TRAT1: variants seen among roughly 807,000 people sequenced by gnomAD.
TRAT1 encodes T cell receptor associated transmembrane adaptor 1.
A neutral mutation model predicts 20.0 loss-of-function variants in TRAT1; 20 were observed. The observed-to-expected ratio is 1.00, with a 90% CI of 0.70 to 1.45. The LOEUF (loss-of-function observed/expected upper bound fraction) is 1.45, where lower values mean the gene tolerates loss of function less well. Ranked by LOEUF, TRAT1 falls within the 40% of genes most tolerant of loss-of-function variation. TRAT1 has a pLI of 0.00. For synonymous variants in TRAT1, 77 were observed against 74.2 expected (o/e 1.04, Z -0.20); for missense variants, 237 against 224.1 (o/e 1.06, Z -0.37).
Position 108,853,917 on chromosome 3 carries a change from AG to A in TRAT1, c.*41del, listed in dbSNP as rs756473132. ...AGTTCAATGATTTGGCTCCTATTGAAGATGGCTTCTAAGAAAACAAGATGCA... is the reference window on the plus strand; with the variant it reads ...AGTTCAATGATTTGGCTCCTATTGAAATGGCTTCTAAGAAAACAAGATGCA... On this transcript the variant is annotated 3_prime_UTR_variant, in exon 6 of 6. Coordinates refer to ENST00000295756, the MANE Select transcript of TRAT1 (RefSeq NM_016388.4). The A allele has an allele frequency of 6.3e-7, 1 of 1,598,160 alleles. No homozygotes were observed. The highest frequency in any genetic ancestry group is 1.7e-5 in the Admixed American group (1 of 59,142).
chr3:108,833,656 A>G (rs1176496150), intron 2 of TRAT1, among the ~76,000 whole-genome samples: 2 of 152,196 alleles, frequency 1.3e-5, no homozygotes, highest in African/African-American at 4.8e-5. Context: ...ATACCTTTGA[A>G]GTAGACCTGA....
At chr3:108,851,573 T>C (rs1312976476) in intron 5 of TRAT1, among the ~76,000 whole-genome samples, 1 of 152,038 alleles carries the variant, frequency 6.6e-6, no homozygotes, top group African/African-American at 2.4e-5. Context: ...AAGTTTCCAT[T>C]TTTTTAATGA....
At chr3:108,836,040 C>T (rs1289885831) in intron 2 of TRAT1, among the ~76,000 whole-genome samples, 3 of 152,194 alleles carry the variant, frequency 2.0e-5, no homozygotes, top group Non-Finnish European at 1.5e-5. Flanking sequence ...CTGCCTCAGC[C>T]TCCCGAGTAG....
chr3:108,831,538 CTTTTTTT>C (rs779234270), intron 2 of TRAT1, among the ~76,000 whole-genome samples: 1 of 132,166 alleles, frequency 7.6e-6, no homozygotes, highest in Non-Finnish European at 1.6e-5. Context: ...TGGAAGGTAT[CTTTTTTT>C]TTTTTTTTTT....
At chr3:108,848,363 T>C (rs550943830) in intron 4 of TRAT1, among the ~76,000 whole-genome samples, 51 of 152,246 alleles carry the variant, frequency 3.3e-4, no homozygotes, top group Admixed American at 2.0e-3. Flanking sequence ...AAGTCGCTTT[T>C]CTTATAGTAA....
intron 5 of TRAT1, among the ~76,000 whole-genome samples, chr3:108,852,835 T>C (rs565725619): frequency 1.3e-5 from 2 of 152,356 alleles, no homozygotes; most frequent in African/African-American, 4.8e-5. Flanking sequence ...CCATGATCAC[T>C]GTATGGCAGA....
intron 2 of TRAT1, among the ~76,000 whole-genome samples, chr3:108,837,581 A>G (rs1039042347): frequency 6.6e-6 from 1 of 152,214 alleles, no homozygotes; most frequent in African/African-American, 2.4e-5. Flanking sequence ...TTACTAATAT[A>G]GAGTGTTTTC....
intron 3 of TRAT1, 155 bp downstream of exon 3, chr3:108,839,122 G>A: frequency 1.6e-6 from 1 of 621,550 alleles, no homozygotes; most frequent in Non-Finnish European, 2.9e-6. Context: ...CTAAAGATCA[G>A]AAGCTATAAC....
intron 1 of TRAT1, among the ~76,000 whole-genome samples, chr3:108,828,579 G>T (rs1261569104): frequency 6.6e-6 from 1 of 152,114 alleles, no homozygotes; most frequent in Non-Finnish European, 1.5e-5. Context: ...TTATATTTGA[G>T]ACACCATGTG....
chr3:108,854,128 G>A lies in TRAT1; in HGVS notation c.*251G>A, dbSNP rs950481181. On this transcript the variant is annotated 3_prime_UTR_variant, in exon 6 of 6. Transcript: ENST00000295756. The stretch of plus-strand genomic sequence containing the variant: ...TGTAAAAAATTAATGTGCTCACCTC[G>A]GCAGCACATATACTAAAAATTAATA... 1.4e-4 allele frequency: 53 copies of A among 367,836 alleles called. 1 individual carries two copies. The highest frequency in any genetic ancestry group is 1.4e-3 in the Admixed American group (34 of 24,446). The allele number at this position is 367,836 out of a possible 1,614,324, so 22.8% of individuals were successfully genotyped here. A position where few individuals can be genotyped will look rare whatever the true frequency, so the allele number is the denominator to read the frequency against.
At chr3:108,832,182 T>C (rs13080704) in intron 2 of TRAT1, among the ~76,000 whole-genome samples, 34,729 of 152,082 alleles carry the variant, frequency 0.23, 4,766 homozygotes, top group East Asian at 0.61. Context: ...ATCTATTCAA[T>C]AGCAAAATCA....
Position 108,853,643 on chromosome 3 carries a change from C to T in TRAT1, c.327C>T (p.Cys109=). The part of the protein sequence containing the change: ...SAQATNETQM[C]YASLDHSVKG... ...AGGCAACCAATGAAACACAGATGTG[C>T]TACGCCTCACTTGATCACAGCGTTA... Residue 109 remains cysteine, a synonymous_variant, in exon 6 of 6, where the codon TGC becomes TGT. Coordinates refer to ENST00000295756, the MANE Select transcript of TRAT1 (RefSeq NM_016388.4). 6.2e-7 allele frequency: 1 copy of T among 1,614,000 alleles called. No homozygotes were observed. The highest frequency in any genetic ancestry group is 8.5e-7 in the Non-Finnish European group (1 of 1,179,916).
In TRAT1 at chr3:108,853,615, T is replaced by C. The variant is rs374084159; in HGVS notation, c.304-5T>C. ...CAATGAAAAATTAACATCCCTTTCT[T>C]TTAGGCAACCAATGAAACACAGATG... is the stretch of plus-strand genomic sequence containing the variant. On this transcript the variant is annotated splice_polypyrimidine_tract_variant and splice_region_variant and intron_variant, in intron 5 of 5. Transcript: ENST00000295756. 1.6e-5 allele frequency: 25 copies of C among 1,610,406 alleles called. No homozygotes were observed. The highest frequency in any genetic ancestry group is 2.0e-5 in the Non-Finnish European group (24 of 1,177,730).
intron 1 of TRAT1, among the ~76,000 whole-genome samples, chr3:108,829,859 G>A (rs1025309131): frequency 5.3e-5 from 8 of 152,068 alleles, no homozygotes; most frequent in Non-Finnish European, 7.4e-5. Context: ...TATATTAGTG[G>A]TTTATGTATT....
intron 5 of TRAT1, among the ~76,000 whole-genome samples, chr3:108,852,540 T>C (rs1358813030): frequency 2.0e-5 from 3 of 152,178 alleles, no homozygotes; most frequent in Non-Finnish European, 2.9e-5. Context: ...AGAAATGTTG[T>C]TAATCCAAAT....
chr3:108,839,884 G>A (rs1945877537), intron 3 of TRAT1, among the ~76,000 whole-genome samples: 1 of 151,862 alleles, frequency 6.6e-6, no homozygotes, highest in South Asian at 2.1e-4. Context: ...ATCGTAGTAA[G>A]GAAATTTTAC....
chr3:108,835,346 C>T (rs535510158), intron 2 of TRAT1, among the ~76,000 whole-genome samples: 1 of 152,222 alleles, frequency 6.6e-6, no homozygotes, highest in Non-Finnish European at 1.5e-5. Flanking sequence ...CATTTCATTG[C>T]TTTATAGCAA....
chr3:108,822,842 T>C lies in TRAT1; in HGVS notation c.-86T>C. On this transcript the variant is annotated 5_prime_UTR_variant, in exon 1 of 6. Transcript: ENST00000295756. The stretch of plus-strand genomic sequence containing the variant: ...CTGCTTTTAACATAACAGAGCAACA[T>C]CACCTAGGAAAAAAGTTTGTAGGAG... The C allele has an allele frequency of 8.6e-7, 1 of 1,166,970 alleles. No individual in the cohort carries two copies. The highest frequency in any genetic ancestry group is 1.3e-5 in the South Asian group (1 of 77,336). 72.3% of individuals were successfully genotyped at this position (1,166,970 alleles called of 1,614,324 possible).
intron 2 of TRAT1, among the ~76,000 whole-genome samples, chr3:108,836,965 T>C (rs78277468): frequency 0.16 from 24,929 of 152,210 alleles, 2,063 homozygotes; most frequent in Middle Eastern, 0.2. Flanking sequence ...AGTGTAAACA[T>C]TTTCTTCACA....
Sources: allele counts gnomAD v4.1 joint callset (sites outside exome capture counted in the v4.1 genomes callset), GRCh38; gene constraint gnomAD v4.1.1; transcripts MANE v1.5; gene names NCBI Gene and HGNC (gene_info 2026-07-23, HGNC 2026-07-21).